Variants in MFSD6 observed in about 807,000 individuals in gnomAD.
MFSD6 encodes the protein major facilitator superfamily domain containing 6.
In MFSD6, 26 loss-of-function variants were observed where a neutral mutation model predicts 56.3. That is an observed-to-expected ratio of 0.46 (90% CI 0.34 to 0.64). The LOEUF (loss-of-function observed/expected upper bound fraction) is 0.64. Ranked by LOEUF, MFSD6 falls within the 30% of genes least tolerant of loss-of-function variation. The probability of loss-of-function intolerance (pLI) is 0.01; values close to 1 mark genes in which losing one functional copy is unlikely to be tolerated. For missense variants in MFSD6, 750 were observed against 986.2 expected, an observed-to-expected ratio of 0.76 and a Z score of 3.21; for synonymous variants, 331 against 366.9, an observed-to-expected ratio of 0.90 and a Z score of 1.12.
chr2:190,464,193 AGTCT>A (rs1300025229), intron 3 of MFSD6, among the ~76,000 whole-genome samples: 1 of 152,230 alleles, frequency 6.6e-6, no homozygotes, highest in African/African-American at 2.4e-5. Flanking sequence ...GACAAGTGTC[AGTCT>A]AACGGCAAAT....
chr2:190,488,883 C>T lies in MFSD6; in HGVS notation c.1792+65C>T. On this transcript the variant is annotated intron_variant, in intron 5 of 7. Transcript: ENST00000392328. The surrounding 1 kb of genome is among the most constrained non-coding windows in gnomAD (Gnocchi z 6.4). ...AAAACATGATTTTTTCCAGCAATAC[C>T]TCAATAAACAATCCAATTATTACTG... 7.2e-7 allele frequency: 1 copy of T among 1,391,418 alleles called. No homozygotes were observed. The highest frequency in any genetic ancestry group is 9.6e-7 in the Non-Finnish European group (1 of 1,037,562). 86.2% of individuals were successfully genotyped at this position (1,391,418 alleles called of 1,614,324 possible).
intron 4 of MFSD6, among the ~76,000 whole-genome samples, chr2:190,481,554 G>T (rs1033111161): frequency 6.6e-6 from 1 of 152,148 alleles, no homozygotes; most frequent in Non-Finnish European, 1.5e-5. Flanking sequence ...TGTTCTCAAG[G>T]AGCTCAGTCT....
rs758758860 is a variant in MFSD6, at chr2:190,436,358, G to A, written c.329G>A (p.Arg110His). The A allele has an allele frequency of 1.9e-6, 3 of 1,614,174 alleles. No individual in the cohort carries two copies. The highest frequency in any genetic ancestry group is 1.1e-5 in the South Asian group (1 of 91,080). The change falls in exon 3 of 8, where the codon CGT becomes CAT. Residue 110 changes from arginine to histidine, a missense_variant. This residue lies in a region of MFSD6 where 376 missense variants were observed against 437.9 expected (regional missense o/e 0.86). Transcript: ENST00000392328. This position sits in a 1 kb window ranked among gnomAD's most constrained non-coding sequence, Gnocchi z 5.3. ...PSQSGLLVGI[R>H]YFIEFCSAPF... ...CAGAGTGGACTACTAGTAGGTATTC[G>A]TTACTTCATTGAATTCTGCAGTGCC...
In MFSD6 at chr2:190,413,397, T is replaced by C. The variant is rs1274717911; in HGVS notation, c.-175-1895T>C. Among the ~76,000 whole-genome samples the C allele has an allele frequency of 2.6e-5, 4 of 152,220 alleles. No individual in the cohort carries two copies. Among genetic ancestry groups the C allele is most frequent in the Non-Finnish European group, 4.4e-5 (3 of 68,044 alleles). On this transcript the variant is annotated intron_variant, in intron 1 of 7. Coordinates refer to ENST00000392328, the MANE Select transcript of MFSD6 (RefSeq NM_017694.4). This position sits in a 1 kb window ranked among gnomAD's most constrained non-coding sequence, Gnocchi z 4.1. Reference sequence around the variant, plus strand: ...GAATTAAGGGGGGCAGAGATGTCTTTCTTTGACATTTGTTGTGGGGCATGT... The same window carrying C: ...GAATTAAGGGGGGCAGAGATGTCTTCCTTTGACATTTGTTGTGGGGCATGT...
In MFSD6 at chr2:190,444,771, A is replaced by G. The variant is rs1202014256; in HGVS notation, c.1532+7210A>G. 1.2e-5 allele frequency: 3 copies of G among 252,776 alleles called. No individual in the cohort carries two copies. The Admixed American group carries it at 2.0e-4, about 16-fold the overall frequency. The allele number at this position is 252,776 out of a possible 1,614,324, so 15.7% of individuals were successfully genotyped here. Reference sequence around the variant, plus strand: ...GTAACTTTATTGTTACAGTTTTGAAACTGAGTATTAGGGTGCTAAAACCAT... The same window carrying G: ...GTAACTTTATTGTTACAGTTTTGAAGCTGAGTATTAGGGTGCTAAAACCAT... On this transcript the variant is annotated intron_variant, in intron 3 of 7. Transcript: ENST00000392328.
At chr2:190,481,898 T>A (rs1477832325) in intron 4 of MFSD6, among the ~76,000 whole-genome samples, 1 of 152,354 alleles carries the variant, frequency 6.6e-6, no homozygotes, top group Admixed American at 6.5e-5. Context: ...GGTGTATTGC[T>A]GTTAGTAGCC....
Position 190,497,866 on chromosome 2 carries a change from T to G in MFSD6, c.2172+147T>G. 1.1e-6 allele frequency: 1 copy of G among 908,806 alleles called. No homozygotes were observed. The highest frequency in any genetic ancestry group is 1.7e-5 in the South Asian group (1 of 57,248). The allele number at this position is 908,806 out of a possible 1,614,324, so 56.3% of individuals were successfully genotyped here. A position where few individuals can be genotyped will look rare whatever the true frequency, so the allele number is the denominator to read the frequency against. On this transcript the variant is annotated intron_variant, in intron 7 of 7. Coordinates refer to ENST00000392328, the MANE Select transcript of MFSD6 (RefSeq NM_017694.4). This position sits in a 1 kb window ranked among gnomAD's most constrained non-coding sequence, Gnocchi z 5.2. ...ACATGCAAACAATTTCAGTACTCTGTGAGCACTGAGTTAAAGAGGGTGTAT... is the reference window on the plus strand; with the variant it reads ...ACATGCAAACAATTTCAGTACTCTGGGAGCACTGAGTTAAAGAGGGTGTAT...
chr2:190,475,871 C>T (rs923930396), intron 4 of MFSD6, among the ~76,000 whole-genome samples: 2 of 151,998 alleles, frequency 1.3e-5, no homozygotes, highest in African/African-American at 4.8e-5. Flanking sequence ...GAGATATAGA[C>T]CAATGGAACA....
intron 3 of MFSD6, among the ~76,000 whole-genome samples, chr2:190,446,081 C>T (rs1686572464): frequency 6.6e-6 from 1 of 152,100 alleles, no homozygotes; most frequent in African/African-American, 2.4e-5. Context: ...CTTAAAAAAT[C>T]CTACCCAAAC....
rs200423053 is a variant in MFSD6, at chr2:190,419,160, A to G, written c.-54+3747A>G. ...CAATCCTGATGGAAAAAAAAAATCT[A>G]TGGGAATTGACCTCGCACACTGTGT... On this transcript the variant is annotated intron_variant, in intron 2 of 7. Transcript: ENST00000392328. Among the ~76,000 whole-genome samples the G allele has an allele frequency of 7.2e-5, 11 of 152,306 alleles. No homozygotes were observed. In the East Asian group the frequency reaches 7.7e-4, roughly 11 times the overall value.
At chr2:190,464,972 A>G (rs1687522904) in intron 3 of MFSD6, 2 of 842,352 alleles carry the variant, frequency 2.4e-6, no homozygotes, top group South Asian at 1.1e-4. Flanking sequence ...GTAGGGTCTC[A>G]CAACTAACTA....
Position 190,417,361 on chromosome 2 carries a change from G to A in MFSD6, c.-54+1948G>A, listed in dbSNP as rs1690820771. 6.6e-6 allele frequency among the ~76,000 whole-genome samples: 1 copy of A among 152,156 alleles called. No homozygotes were observed. Among genetic ancestry groups the A allele is most frequent in the African/African-American group, 2.4e-5 (1 of 41,436 alleles). On this transcript the variant is annotated intron_variant, in intron 2 of 7. Coordinates refer to ENST00000392328, the MANE Select transcript of MFSD6 (RefSeq NM_017694.4). The surrounding 1 kb of genome is among the most constrained non-coding windows in gnomAD (Gnocchi z 5.7). Reference sequence around the variant, plus strand: ...CCCTGCCAATCTATTCATCCTTTAAGATTGGCTCGAGGCCCCACACCACAG... The same window carrying A: ...CCCTGCCAATCTATTCATCCTTTAAAATTGGCTCGAGGCCCCACACCACAG...
intron 3 of MFSD6, among the ~76,000 whole-genome samples, chr2:190,468,398 A>G (rs979292706): frequency 1.3e-5 from 2 of 150,180 alleles, no homozygotes; most frequent in East Asian, 3.9e-4. Flanking sequence ...GTCTGAGAGC[A>G]TTTCCCTTTG....
At position 190,451,912 on chromosome 2, in the gene MFSD6, T is replaced by C. The variant is rs895491749; in HGVS notation, c.1532+14351T>C. 2.0e-5 allele frequency among the ~76,000 whole-genome samples: 3 copies of C among 152,222 alleles called. No homozygotes were observed. Among genetic ancestry groups the C allele is most frequent in the Non-Finnish European group, 4.4e-5 (3 of 68,048 alleles). ...AAGGCAATTGCTTGGGCAGAGGATT[T>C]CTTATTATTATTTATCTCACCCTAC... On this transcript the variant is annotated intron_variant, in intron 3 of 7. Coordinates refer to ENST00000392328, the MANE Select transcript of MFSD6 (RefSeq NM_017694.4). This position sits in a 1 kb window ranked among gnomAD's most constrained non-coding sequence, Gnocchi z 5.0.
intron 4 of MFSD6, among the ~76,000 whole-genome samples, chr2:190,476,295 T>C (rs1688304302): frequency 6.6e-6 from 1 of 152,144 alleles, no homozygotes; most frequent in African/African-American, 2.4e-5. Flanking sequence ...AGAAAATTTT[T>C]GCAATCTACT....
At chr2:190,455,527 G>A (rs1176731960) in intron 3 of MFSD6, among the ~76,000 whole-genome samples, 1 of 152,114 alleles carries the variant, frequency 6.6e-6, no homozygotes, top group East Asian at 1.9e-4. Flanking sequence ...TGATCTGCAC[G>A]ACCCTGGCAA....
At position 190,426,481 on chromosome 2, in the gene MFSD6, T is replaced by C. The variant is rs1685788670; in HGVS notation, c.-53-9496T>C. On this transcript the variant is annotated intron_variant, in intron 2 of 7. Coordinates refer to ENST00000392328, the MANE Select transcript of MFSD6 (RefSeq NM_017694.4). The surrounding 1 kb of genome is among the most constrained non-coding windows in gnomAD (Gnocchi z 4.7). ...TATCTAAGCATTTTTAGGATGGCTT[T>C]TTAAAAATATTTTAAATTCAGGGGG... Among the ~76,000 whole-genome samples the C allele has an allele frequency of 6.6e-6, 1 of 152,232 alleles. No individual in the cohort carries two copies.
At chr2:190,429,805 A>G (rs975035640) in intron 2 of MFSD6, among the ~76,000 whole-genome samples, 2 of 152,122 alleles carry the variant, frequency 1.3e-5, no homozygotes, top group South Asian at 4.1e-4. Flanking sequence ...ATTTTTGTAT[A>G]TGATGTCAGA....
intron 1 of MFSD6, 22 bp downstream of exon 1, chr2:190,408,525 G>A (rs1201949107): frequency 6.6e-6 from 1 of 151,766 alleles, no homozygotes; most frequent in East Asian, 1.9e-4. Context: ...CCGGCTTGCG[G>A]AGAAGGGGCT....
Sources: gnomAD v4.1 joint callset for allele counts (sites outside exome capture counted in the v4.1 genomes callset) on GRCh38, gnomAD v4.1.1 for gene constraint, gnomAD v4.1.1 regional missense constraint, Gnocchi (gnomAD v3.1) non-coding constraint, MANE v1.5 for transcripts, NCBI Gene and HGNC (gene_info 2026-07-23, HGNC 2026-07-21) for gene names.